COG5: variants seen among roughly 807,000 people sequenced by gnomAD.
COG5 encodes the protein component of oligomeric golgi complex 5, also known as conserved oligomeric Golgi complex subunit 5.
In COG5, 86 loss-of-function variants were observed where a neutral mutation model predicts 110.4. That is an observed-to-expected ratio of 0.78 (90% CI 0.65 to 0.93). COG5 has a LOEUF of 0.93. Ranked by LOEUF, COG5 falls within the 40% of genes least tolerant of loss-of-function variation. COG5 has a pLI of 0.00. For synonymous variants in COG5, 360 were observed against 334.6 expected (o/e 1.08, Z -0.83); for missense variants, 1,077 against 987.0 (o/e 1.09, Z -1.22).
intron 11 of COG5, among the ~76,000 whole-genome samples, chr7:107,307,174 A>C (rs1036413026): frequency 3.3e-5 from 5 of 152,154 alleles, no homozygotes; most frequent in Admixed American, 1.3e-4. Flanking sequence ...AACTGCCACA[A>C]CACCACTGAA....
chr7:107,503,205 C>G (rs1798746791), intron 6 of COG5, among the ~76,000 whole-genome samples: 1 of 152,054 alleles, frequency 6.6e-6, no homozygotes, highest in African/African-American at 2.4e-5. Context: ...CAGTTTCATT[C>G]TTCTACATGT....
chr7:107,563,070 A>C (rs531978380), intron 1 of COG5, among the ~76,000 whole-genome samples: 6 of 152,318 alleles, frequency 3.9e-5, no homozygotes. Flanking sequence ...ATAAATGTGA[A>C]CTTTATTCTG....
At chr7:107,267,089 A>G (rs936682739) in intron 14 of COG5, among the ~76,000 whole-genome samples, 10 of 152,164 alleles carry the variant, frequency 6.6e-5, no homozygotes, top group Non-Finnish European at 1.3e-4. Context: ...AAACAAAATC[A>G]TGTCTTGTTT....
intron 6 of COG5, among the ~76,000 whole-genome samples, chr7:107,461,651 A>T (rs1795996166): frequency 6.6e-6 from 1 of 152,234 alleles, no homozygotes; most frequent in Non-Finnish European, 1.5e-5. Flanking sequence ...ATAATTCTGT[A>T]AGAAGGAAAT....
At chr7:107,512,573 G>C (rs1362962454) in intron 6 of COG5, among the ~76,000 whole-genome samples, 3 of 152,138 alleles carry the variant, frequency 2.0e-5, no homozygotes, top group East Asian at 3.9e-4. Context: ...AACCAAAAAA[G>C]AGCCCACATT....
At chr7:107,215,373 A>C (rs1191084657) in intron 19 of COG5, among the ~76,000 whole-genome samples, 1 of 152,230 alleles carries the variant, frequency 6.6e-6, no homozygotes, top group African/African-American at 2.4e-5. Context: ...TGTATAAAAA[A>C]TAAGACCCAG....
chr7:107,268,919 T>C (rs1024876498), intron 14 of COG5, among the ~76,000 whole-genome samples: 2 of 152,238 alleles, frequency 1.3e-5, no homozygotes, highest in Admixed American at 1.3e-4. Context: ...ATTGATTCTA[T>C]GCAAACTGAA....
At chr7:107,311,107 T>C (rs1198906432) in intron 11 of COG5, among the ~76,000 whole-genome samples, 6 of 152,194 alleles carry the variant, frequency 3.9e-5, no homozygotes. Flanking sequence ...TTTTTGCCAG[T>C]GCATCTATGC....
At chr7:107,212,095 C>G (rs930500905) in intron 19 of COG5, among the ~76,000 whole-genome samples, 3 of 152,206 alleles carry the variant, frequency 2.0e-5, no homozygotes, top group African/African-American at 7.2e-5. Flanking sequence ...AAGCGAACTT[C>G]TTCCCTATAC....
intron 6 of COG5, among the ~76,000 whole-genome samples, chr7:107,506,250 C>A (rs1175275746): frequency 6.6e-6 from 1 of 152,182 alleles, no homozygotes; most frequent in East Asian, 1.9e-4. Flanking sequence ...AAAAGAGCAC[C>A]AGCTGCAGTA....
chr7:107,338,772 G>A lies in COG5; in HGVS notation c.1027-14251C>T, dbSNP rs530183970. Among the ~76,000 whole-genome samples, 6 of 152,112 alleles carry A rather than the reference G, an allele frequency of 3.9e-5. No homozygotes were observed. The East Asian group carries it at 9.7e-4, about 25-fold the overall frequency. ...ATATAGTAACAGCCAAAAATAACGT[G>A]ATTTAAAATAGACAAAAGACTTTAA... On this transcript the variant is annotated intron_variant, in intron 10 of 21. Coordinates refer to ENST00000297135, the MANE Select transcript of COG5 (RefSeq NM_006348.5).
At chr7:107,423,679 A>G (rs2237669) in intron 6 of COG5, among the ~76,000 whole-genome samples, 17,916 of 151,764 alleles carry the variant, frequency 0.12, 2,946 homozygotes, top group African/African-American at 0.37. Context: ...AAAACCTACA[A>G]AATAATCTCC....
At chr7:107,494,987 A>T (rs916933110) in intron 6 of COG5, among the ~76,000 whole-genome samples, 13 of 152,174 alleles carry the variant, frequency 8.5e-5, no homozygotes, top group African/African-American at 2.9e-4. Flanking sequence ...TATCATTAAC[A>T]TACATATGCG....
chr7:107,443,107 T>G (rs916620172), intron 6 of COG5, among the ~76,000 whole-genome samples: 1 of 152,094 alleles, frequency 6.6e-6, no homozygotes, highest in Non-Finnish European at 1.5e-5. Flanking sequence ...AGAACCCAAA[T>G]GTCTGTCAGC....
chr7:107,518,374 A>G (rs545990754), intron 6 of COG5, among the ~76,000 whole-genome samples: 12 of 152,216 alleles, frequency 7.9e-5, no homozygotes, highest in Non-Finnish European at 1.5e-4. Flanking sequence ...CAAATTGAAT[A>G]AAGAGTCAAG....
intron 8 of COG5, among the ~76,000 whole-genome samples, chr7:107,362,905 G>A (rs1584730711): frequency 6.6e-6 from 1 of 151,926 alleles, no homozygotes; most frequent in Non-Finnish European, 1.5e-5. Flanking sequence ...AACCACACAG[G>A]AGGAAAACAA....
intron 6 of COG5, among the ~76,000 whole-genome samples, chr7:107,526,335 T>C (rs1043385558): frequency 6.6e-6 from 1 of 152,186 alleles, no homozygotes; most frequent in Non-Finnish European, 1.5e-5. Flanking sequence ...GGCAGTTCTA[T>C]GTGCACTCAC....
rs1157182683 is a variant in COG5 at position 107,548,331 on chromosome 7, A to G, written c.294T>C (p.Gly98=). 2.5e-6 allele frequency: 4 copies of G among 1,613,800 alleles called. No individual in the cohort carries two copies. Among genetic ancestry groups the G allele is most frequent in the Non-Finnish European group, 3.4e-6 (4 of 1,179,682 alleles). ...TTCTCGTCTGCATCATCTGAAGAAC[A>G]CCTAGGAAAACATAAGTTTACATTG... ...AQATGIESLE[G]VLQMMQTRIG... is the part of the protein sequence containing the mutation. Residue 98 remains glycine, a splice_region_variant and synonymous_variant, in exon 4 of 22, where the codon GGT becomes GGC. Transcript: ENST00000297135.
chr7:107,363,971 G>A (rs1813366537), intron 8 of COG5, among the ~76,000 whole-genome samples: 5 of 150,480 alleles, frequency 3.3e-5, no homozygotes, highest in Admixed American at 2.0e-4. Context: ...AAAAAAAAAA[G>A]TTATTGAGAA....
Sources: gnomAD v4.1 joint callset for allele counts (sites outside exome capture counted in the v4.1 genomes callset) on GRCh38, gnomAD v4.1.1 for gene constraint, MANE v1.5 for transcripts, NCBI Gene and HGNC (gene_info 2026-07-23, HGNC 2026-07-21) for gene names.